Variants in PLPP1 observed in about 807,000 individuals in gnomAD.
PLPP1 encodes the protein phospholipid phosphatase 1.
Under a neutral mutation model 31.2 loss-of-function variants are expected in PLPP1, and 24 were observed. The ratio of observed to expected loss-of-function variants is 0.77; its 90% CI spans 0.56 to 1.08. The LOEUF is 1.08. Among genes scored for constraint, PLPP1 ranks in the 50% least tolerant of loss-of-function variants. The probability of loss-of-function intolerance (pLI) is 0.00; values close to 1 mark genes in which losing one functional copy is unlikely to be tolerated. For synonymous variants in PLPP1, 146 were observed against 126.3 expected, an observed-to-expected ratio of 1.16 and a Z score of -1.05; for missense variants, 319 against 342.7, an observed-to-expected ratio of 0.93 and a Z score of 0.55.
At chr5:55,429,697 A>G (rs192508997) in intron 4 of PLPP1, among the ~76,000 whole-genome samples, 19 of 152,010 alleles carry the variant, frequency 1.2e-4, no homozygotes, top group Non-Finnish European at 2.5e-4. Flanking sequence ...CAGCCCCTGC[A>G]TATCCACATC....
At chr5:55,440,571 C>T (rs530404543) in intron 4 of PLPP1, among the ~76,000 whole-genome samples, 1 of 152,200 alleles carries the variant, frequency 6.6e-6, no homozygotes, top group South Asian at 2.1e-4. Flanking sequence ...AAAAAGGAAG[C>T]CCTAAATTCT....
intron 1 of PLPP1, among the ~76,000 whole-genome samples, chr5:55,476,380 C>A (rs75486563): frequency 1.3e-5 from 2 of 152,056 alleles, no homozygotes; most frequent in Non-Finnish European, 2.9e-5. Flanking sequence ...TAACAGAGAG[C>A]GCTGTTTTTA....
chr5:55,443,511 A>G (rs1751683246), intron 3 of PLPP1, among the ~76,000 whole-genome samples: 1 of 152,184 alleles, frequency 6.6e-6, no homozygotes, highest in Non-Finnish European at 1.5e-5. Flanking sequence ...TGAAGAGCCT[A>G]CAAGTTAATA....
At chr5:55,450,602 CAAAA>C in intron 3 of PLPP1, among the ~76,000 whole-genome samples, 1 of 152,078 alleles carries the variant, frequency 6.6e-6, no homozygotes, top group East Asian at 1.9e-4. Flanking sequence ...AGGCTGCTGA[CAAAA>C]AGGGTAAAAC....
chr5:55,456,154 T>TA (rs1752001069), intron 3 of PLPP1, among the ~76,000 whole-genome samples: 2 of 152,312 alleles, frequency 1.3e-5, no homozygotes, highest in Admixed American at 1.3e-4. Context: ...TTATGAACTC[T>TA]AGATATTAAA....
intron 1 of PLPP1, among the ~76,000 whole-genome samples, chr5:55,519,786 G>T (rs1398051071): frequency 6.6e-6 from 1 of 151,476 alleles, no homozygotes; most frequent in Non-Finnish European, 1.5e-5. Flanking sequence ...ATAAAAGTAT[G>T]AATTTTAATT....
intron 2 of PLPP1, among the ~76,000 whole-genome samples, chr5:55,474,363 T>C (rs1394071086): frequency 6.6e-6 from 1 of 152,150 alleles, no homozygotes; most frequent in East Asian, 1.9e-4. Flanking sequence ...AGCCATGCAG[T>C]GGAAGCATGC....
At chr5:55,448,173 G>A (rs765579264) in intron 3 of PLPP1, among the ~76,000 whole-genome samples, 4 of 152,054 alleles carry the variant, frequency 2.6e-5, no homozygotes, top group African/African-American at 4.8e-5. Context: ...TTTGACAATC[G>A]ATAACTGTGC....
intron 1 of PLPP1, chr5:55,491,102 A>C (rs776300301): frequency 6.2e-7 from 1 of 1,613,210 alleles, no homozygotes; most frequent in East Asian, 2.2e-5. Context: ...TAGAACAGCC[A>C]TAGGCATGGA....
At chr5:55,460,498 G>C (rs1177636649) in intron 3 of PLPP1, among the ~76,000 whole-genome samples, 1 of 152,132 alleles carries the variant, frequency 6.6e-6, no homozygotes, top group Non-Finnish European at 1.5e-5. Context: ...GGCTATCTCT[G>C]CAGTTCCTAC....
chr5:55,481,852 G>C (rs1752672703), intron 1 of PLPP1, among the ~76,000 whole-genome samples: 1 of 151,950 alleles, frequency 6.6e-6, no homozygotes, highest in South Asian at 2.1e-4. Flanking sequence ...AGGAAATGCA[G>C]CTACACATGA....
intron 1 of PLPP1, among the ~76,000 whole-genome samples, chr5:55,504,418 A>G (rs1433714865): frequency 7.0e-6 from 1 of 143,086 alleles, no homozygotes; most frequent in Non-Finnish European, 1.5e-5. Context: ...GCTACTTGGG[A>G]GGCTGAGGCA....
At chr5:55,479,521 G>GT (rs1246558613) in intron 1 of PLPP1, among the ~76,000 whole-genome samples, 1 of 152,206 alleles carries the variant, frequency 6.6e-6, no homozygotes, top group African/African-American at 2.4e-5. Flanking sequence ...CAAAAACTGA[G>GT]TAAGTCCAAG....
intron 1 of PLPP1, among the ~76,000 whole-genome samples, chr5:55,477,686 CCCAG>C (rs1752585786): frequency 6.6e-6 from 1 of 152,094 alleles, no homozygotes; most frequent in Non-Finnish European, 1.5e-5. Flanking sequence ...AGCCATAGTG[CCCAG>C]CCAAAGAACC....
chr5:55,494,859 G>A (rs558710943), intron 1 of PLPP1, among the ~76,000 whole-genome samples: 5 of 151,644 alleles, frequency 3.3e-5, no homozygotes, highest in South Asian at 2.1e-4. Context: ...AGTGGCTCAC[G>A]CCTGCAATCC....
chr5:55,447,505 G>A (rs1165052383), intron 3 of PLPP1, among the ~76,000 whole-genome samples: 1 of 152,144 alleles, frequency 6.6e-6, no homozygotes, highest in African/African-American at 2.4e-5. Context: ...AATACACAGC[G>A]TTTCTACTTT....
chr5:55,475,784 T>C (rs1752537047), intron 1 of PLPP1, among the ~76,000 whole-genome samples: 1 of 152,134 alleles, frequency 6.6e-6, no homozygotes, highest in African/African-American at 2.4e-5. Context: ...AATCACCAGG[T>C]TTTTAACGCT....
At position 55,475,431 on chromosome 5, in the gene PLPP1, A is replaced by C; in HGVS notation, c.78T>G (p.Ile26Met). The change falls in exon 2 of 6, where the codon ATT becomes ATG. Residue 26 changes from isoleucine to methionine, a missense_variant. Coordinates refer to ENST00000307259, the MANE Select transcript of PLPP1 (RefSeq NM_003711.4). ...CVLLAGLPFA[I>M]LTSRHTPFQR... Reference sequence around the variant, plus strand: ...GGAAGGGGGTATGCCTTGAAGTAAGAATTGCAAAAGGCAATCCAGCTAGCA... The same window carrying C: ...GGAAGGGGGTATGCCTTGAAGTAAGCATTGCAAAAGGCAATCCAGCTAGCA... 1 of 1,603,520 alleles carries C rather than the reference A, an allele frequency of 6.2e-7. No individual in the cohort carries two copies. The highest frequency in any genetic ancestry group is 8.5e-7 in the Non-Finnish European group (1 of 1,177,100).
chr5:55,471,635 G>A (rs769938634), intron 2 of PLPP1, among the ~76,000 whole-genome samples: 5 of 152,096 alleles, frequency 3.3e-5, no homozygotes, highest in Non-Finnish European at 5.9e-5. Flanking sequence ...CTACCTGCCA[G>A]CTCCCTCAAT....
Sources: allele counts gnomAD v4.1 joint callset (sites outside exome capture counted in the v4.1 genomes callset), GRCh38; gene constraint gnomAD v4.1.1; transcripts MANE v1.5; gene names NCBI Gene and HGNC (gene_info 2026-07-23, HGNC 2026-07-21).